The following LGSN variants were observed in gnomAD, a reference collection of about 807,000 sequenced individuals.
The protein encoded by LGSN is lengsin, lens protein with glutamine synthetase domain, also known as lengsin.
In LGSN, 21 loss-of-function variants were observed where a neutral mutation model predicts 19.5. The observed-to-expected ratio is 1.07, with a 90% CI of 0.76 to 1.55. The LOEUF (loss-of-function observed/expected upper bound fraction) is 1.55, where lower values mean the gene tolerates loss of function less well. Ranked by LOEUF, LGSN falls within the 40% of genes most tolerant of loss-of-function variation. The probability of loss-of-function intolerance (pLI) is 0.00; values close to 1 mark genes in which losing one functional copy is unlikely to be tolerated. For missense variants in LGSN, 673 were observed against 608.5 expected (o/e 1.11, Z -1.12); for synonymous variants, 257 against 215.6 (o/e 1.19, Z -1.68).
chr6:63,516,897 G>T, the LGSN span, among the ~76,000 whole-genome samples: 4 of 152,254 alleles, frequency 2.6e-5, no homozygotes, highest in Admixed American at 6.5e-5. Flanking sequence ...TGTGCCAGAG[G>T]TATTAGACAG....
the LGSN span, among the ~76,000 whole-genome samples, chr6:63,324,998 G>A: frequency 6.6e-6 from 1 of 151,480 alleles, no homozygotes; most frequent in African/African-American, 2.4e-5. Flanking sequence ...CAGCTACTCA[G>A]GGGACTCAGG....
chr6:63,528,286 C>T, the LGSN span, among the ~76,000 whole-genome samples: 1 of 152,144 alleles, frequency 6.6e-6, no homozygotes, highest in Non-Finnish European at 1.5e-5. Flanking sequence ...ATTTTCTGCT[C>T]CCATTGGGCT....
At chr6:63,519,123 C>A in the LGSN span, among the ~76,000 whole-genome samples, 1 of 152,168 alleles carries the variant, frequency 6.6e-6, no homozygotes, top group African/African-American at 2.4e-5. Context: ...GCCTGGCCAA[C>A]ATGGTGAAAC....
intron 1 of LGSN, among the ~76,000 whole-genome samples, chr6:63,312,340 T>C (rs547897991): frequency 6.6e-6 from 1 of 152,308 alleles, no homozygotes; most frequent in African/African-American, 2.4e-5. Context: ...GAATCATATA[T>C]AGTAGCTCTA....
the LGSN span, among the ~76,000 whole-genome samples, chr6:63,357,443 C>G: frequency 2.0e-5 from 3 of 147,324 alleles, no homozygotes; most frequent in African/African-American, 8.1e-5. Flanking sequence ...GTTTACAGTC[C>G]CACCAACAGT....
chr6:63,310,561 A>G (rs1768585857), intron 1 of LGSN, among the ~76,000 whole-genome samples: 1 of 152,196 alleles, frequency 6.6e-6, no homozygotes, highest in Non-Finnish European at 1.5e-5. Context: ...ATAAAAATAT[A>G]AAATATAAAC....
chr6:63,373,760 G>A, the LGSN span, among the ~76,000 whole-genome samples: 1 of 152,068 alleles, frequency 6.6e-6, no homozygotes, highest in Non-Finnish European at 1.5e-5. Flanking sequence ...ATCAATTGAG[G>A]TCAGAGGTTC....
chr6:63,394,205 A>C, the LGSN span, among the ~76,000 whole-genome samples: 1 of 152,168 alleles, frequency 6.6e-6, no homozygotes, highest in Non-Finnish European at 1.5e-5. Context: ...CAGAGGTTGC[A>C]GTGAGCCGAG....
At chr6:63,297,408 T>C (rs1388037727) in intron 1 of LGSN, among the ~76,000 whole-genome samples, 1 of 148,978 alleles carries the variant, frequency 6.7e-6, no homozygotes, top group Non-Finnish European at 1.5e-5. Flanking sequence ...TACCTTTTAC[T>C]CCATAAAAAT....
At chr6:63,498,110 G>T in the LGSN span, among the ~76,000 whole-genome samples, 1 of 151,634 alleles carries the variant, frequency 6.6e-6, no homozygotes, top group Admixed American at 6.6e-5. Context: ...TAGAGACAGG[G>T]TTTCTCTATG....
At chr6:63,338,678 T>C in the LGSN span, among the ~76,000 whole-genome samples, 1 of 152,146 alleles carries the variant, frequency 6.6e-6, no homozygotes, top group Non-Finnish European at 1.5e-5. Flanking sequence ...TTAGTCTCTA[T>C]TTTGTTTCAT....
chr6:63,391,439 T>C, the LGSN span, among the ~76,000 whole-genome samples: 2 of 152,162 alleles, frequency 1.3e-5, no homozygotes, highest in Non-Finnish European at 2.9e-5. Flanking sequence ...ATCTGTAAAC[T>C]TCTGTTGCTT....
the LGSN span, among the ~76,000 whole-genome samples, chr6:63,552,280 C>T: frequency 3.9e-4 from 60 of 152,162 alleles, no homozygotes; most frequent in African/African-American, 1.4e-3. Context: ...TCTCTGATGG[C>T]CAGTGATGGT....
the LGSN span, among the ~76,000 whole-genome samples, chr6:63,382,480 T>C: frequency 6.6e-6 from 1 of 152,312 alleles, no homozygotes; most frequent in Non-Finnish European, 1.5e-5. Flanking sequence ...GCCTCTCATC[T>C]TCTGCCCAGG....
At chr6:63,484,396 C>A in the LGSN span, among the ~76,000 whole-genome samples, 1 of 152,002 alleles carries the variant, frequency 6.6e-6, no homozygotes, top group Non-Finnish European at 1.5e-5. Flanking sequence ...GTGCCACACA[C>A]ATCTATAGTC....
chr6:63,314,971 A>G (rs958145606), intron 1 of LGSN, among the ~76,000 whole-genome samples: 4 of 152,178 alleles, frequency 2.6e-5, no homozygotes, highest in African/African-American at 7.2e-5. Flanking sequence ...AAGGACAATG[A>G]CAAAAATAAG....
chr6:63,378,952 C>G, the LGSN span, among the ~76,000 whole-genome samples: 1 of 152,148 alleles, frequency 6.6e-6, no homozygotes, highest in Non-Finnish European at 1.5e-5. Flanking sequence ...GAATTTTAAG[C>G]AAGATAATTA....
At chr6:63,318,833 T>C (rs1025387282) in intron 1 of LGSN, among the ~76,000 whole-genome samples, 3 of 152,192 alleles carry the variant, frequency 2.0e-5, no homozygotes, top group Non-Finnish European at 4.4e-5. Flanking sequence ...AGAAGTTACA[T>C]AGTTAGAAAT....
the LGSN span, among the ~76,000 whole-genome samples, chr6:63,406,377 T>G: frequency 6.6e-6 from 1 of 151,814 alleles, no homozygotes; most frequent in African/African-American, 2.4e-5. Flanking sequence ...AGAAACTCAC[T>G]CAAAACCGCT....
Sources: gnomAD v4.1 joint callset for allele counts (sites outside exome capture counted in the v4.1 genomes callset) on GRCh38, gnomAD v4.1.1 for gene constraint, MANE v1.5 for transcripts, NCBI Gene and HGNC (gene_info 2026-07-23, HGNC 2026-07-21) for gene names.